SPHKAP: variants seen among roughly 807,000 people sequenced by gnomAD.
SPHKAP encodes SPHK1 interactor, AKAP domain containing.
Under a neutral mutation model 137.5 loss-of-function variants are expected in SPHKAP, and 67 were observed. The observed-to-expected ratio is 0.49, with a 90% CI of 0.40 to 0.60. The LOEUF is 0.60. Among genes scored for constraint, SPHKAP ranks in the 20% least tolerant of loss-of-function variants. SPHKAP has a pLI of 0.00. For synonymous variants in SPHKAP, 813 were observed against 785.3 expected (o/e 1.04, Z -0.59); for missense variants, 2,097 against 2,069.3 (o/e 1.01, Z -0.26).
At chr2:228,118,498 C>T (rs536844029) in intron 2 of SPHKAP, among the ~76,000 whole-genome samples, 1 of 151,850 alleles carries the variant, frequency 6.6e-6, no homozygotes, top group African/African-American at 2.4e-5. Flanking sequence ...TATGAGAGTC[C>T]AACTTGTCCC....
intron 3 of SPHKAP, among the ~76,000 whole-genome samples, chr2:228,032,900 C>T (rs923492786): frequency 5.3e-5 from 8 of 152,114 alleles, no homozygotes; most frequent in Admixed American, 3.9e-4. Context: ...AAAGGAACAA[C>T]CGGTACCTGC....
intron 2 of SPHKAP, among the ~76,000 whole-genome samples, chr2:228,127,761 C>T (rs977408285): frequency 1.3e-5 from 2 of 152,122 alleles, no homozygotes; most frequent in Non-Finnish European, 2.9e-5. Flanking sequence ...TATATAGGCA[C>T]ATCTCAGAGA....
At chr2:228,034,484 T>G (rs1695495545) in intron 3 of SPHKAP, among the ~76,000 whole-genome samples, 1 of 152,080 alleles carries the variant, frequency 6.6e-6, no homozygotes, top group South Asian at 2.1e-4. Flanking sequence ...CTTCTGAAAC[T>G]ATTCCAATCA....
At chr2:228,103,331 G>A (rs1399985210) in intron 3 of SPHKAP, among the ~76,000 whole-genome samples, 1 of 152,182 alleles carries the variant, frequency 6.6e-6, no homozygotes, top group East Asian at 1.9e-4. Flanking sequence ...CCACACAGAT[G>A]GGCTTGGGGT....
At chr2:228,117,684 G>A (rs1400733364) in intron 2 of SPHKAP, among the ~76,000 whole-genome samples, 2 of 152,070 alleles carry the variant, frequency 1.3e-5, no homozygotes, top group Admixed American at 1.3e-4. Context: ...TATGAGTTTT[G>A]AAAAATGCAC....
chr2:228,028,906 A>C (rs1346553471), intron 3 of SPHKAP, among the ~76,000 whole-genome samples: 1 of 152,054 alleles, frequency 6.6e-6, no homozygotes, highest in East Asian at 1.9e-4. Flanking sequence ...TGGAGAAAAG[A>C]AAGTTAAAGT....
intron 1 of SPHKAP, among the ~76,000 whole-genome samples, chr2:228,174,303 CT>C (rs76289406): frequency 0.073 from 10,620 of 145,976 alleles, 1,158 homozygotes; most frequent in African/African-American, 0.24. Flanking sequence ...AGGCAGGAAC[CT>C]TTTTTTTTTT....
intron 1 of SPHKAP, among the ~76,000 whole-genome samples, chr2:228,147,000 G>C (rs1699796367): frequency 6.6e-6 from 1 of 152,166 alleles, no homozygotes; most frequent in African/African-American, 2.4e-5. Flanking sequence ...TTGCATTTTA[G>C]ATTGAAGGAA....
chr2:227,985,533 G>A (rs543494361), intron 11 of SPHKAP, among the ~76,000 whole-genome samples: 23 of 152,204 alleles, frequency 1.5e-4, no homozygotes, highest in East Asian at 1.2e-3. Flanking sequence ...AGCAAGTCAC[G>A]ATCTGAGTTT....
At chr2:228,039,246 G>A (rs1022577383) in intron 3 of SPHKAP, among the ~76,000 whole-genome samples, 1 of 152,318 alleles carries the variant, frequency 6.6e-6, no homozygotes, top group Non-Finnish European at 1.5e-5. Flanking sequence ...CCTGAACAGA[G>A]CTAATCTTGT....
intron 4 of SPHKAP, chr2:228,025,736 G>T: frequency 2.9e-6 from 2 of 680,236 alleles, no homozygotes; most frequent in Non-Finnish European, 3.6e-6. Context: ...AAACTCTTTA[G>T]TTCTACATTT....
intron 2 of SPHKAP, among the ~76,000 whole-genome samples, chr2:228,127,790 A>C (rs1699122266): frequency 6.6e-6 from 1 of 152,206 alleles, no homozygotes; most frequent in African/African-American, 2.4e-5. Context: ...ATTCAGTCGC[A>C]GACCCCCACA....
At chr2:228,089,104 T>C (rs553281188) in intron 3 of SPHKAP, among the ~76,000 whole-genome samples, 3 of 152,268 alleles carry the variant, frequency 2.0e-5, no homozygotes, top group Admixed American at 1.3e-4. Flanking sequence ...AGTTTGCAAG[T>C]TCTTAGACAA....
At chr2:228,105,219 C>T (rs1481260977) in intron 3 of SPHKAP, among the ~76,000 whole-genome samples, 3 of 152,186 alleles carry the variant, frequency 2.0e-5, no homozygotes, top group Non-Finnish European at 4.4e-5. Flanking sequence ...TCTCCTGCCT[C>T]AGCCTCCCAA....
Position 228,027,465 on chromosome 2 carries a change from C to T in SPHKAP, c.306+19G>A. Reference sequence around the variant, plus strand: ...GTCCTTGTAATGACCTCCCGGTCAGCTTGAGTTTCAAATGTTACCTGTTGC... The same window carrying T: ...GTCCTTGTAATGACCTCCCGGTCAGTTTGAGTTTCAAATGTTACCTGTTGC... On this transcript the variant is annotated intron_variant, in intron 4 of 11. Coordinates refer to ENST00000392056, the MANE Select transcript of SPHKAP (RefSeq NM_001142644.2). The T allele has an allele frequency of 6.2e-7, 1 of 1,613,386 alleles. No homozygotes were observed. The highest frequency in any genetic ancestry group is 2.2e-5 in the East Asian group (1 of 44,866).
chr2:228,097,829 C>T (rs979055934), intron 3 of SPHKAP, among the ~76,000 whole-genome samples: 56 of 152,136 alleles, frequency 3.7e-4, no homozygotes, highest in African/African-American at 1.4e-3. Context: ...CCTTTTATAG[C>T]TGTGTAGTAT....
intron 3 of SPHKAP, among the ~76,000 whole-genome samples, chr2:228,058,844 A>C (rs1696539404): frequency 6.6e-6 from 1 of 152,200 alleles, no homozygotes; most frequent in African/African-American, 2.4e-5. Flanking sequence ...TTGGGCAAAC[A>C]GTTCTATGAG....
rs139581202 is a variant in SPHKAP at position 228,100,146 on chromosome 2, G to A, written c.246+8686C>T. Among the ~76,000 whole-genome samples, 930 of 152,224 alleles carry A rather than the reference G, an allele frequency of 6.1e-3. 14 individuals carry two copies. Among genetic ancestry groups the A allele is most frequent in the African/African-American group, 0.021 (861 of 41,520 alleles). On this transcript the variant is annotated intron_variant, in intron 3 of 11. Coordinates refer to ENST00000392056, the MANE Select transcript of SPHKAP (RefSeq NM_001142644.2). ...ATTACAAGCGTGAGCCACTGCGCCCGGCCCTGGAAATGCTACTGATTTTTA... is the reference window on the plus strand; with the variant it reads ...ATTACAAGCGTGAGCCACTGCGCCCAGCCCTGGAAATGCTACTGATTTTTA...
At position 228,127,801 on chromosome 2, in the gene SPHKAP, A is replaced by G. The variant is rs1387224747; in HGVS notation, c.138+4179T>C. Among the ~76,000 whole-genome samples, 5 of 152,208 alleles carry G rather than the reference A, an allele frequency of 3.3e-5. No individual in the cohort carries two copies. The East Asian group carries it at 9.6e-4, about 29-fold the overall frequency. On this transcript the variant is annotated intron_variant, in intron 2 of 11. Coordinates refer to ENST00000392056, the MANE Select transcript of SPHKAP (RefSeq NM_001142644.2). ...GTGGATTCAGTCGCAGACCCCCACA[A>G]CAGAGCAAATATCACAATAAAGGGA...
Sources: gnomAD v4.1 joint callset for allele counts (sites outside exome capture counted in the v4.1 genomes callset) on GRCh38, gnomAD v4.1.1 for gene constraint, MANE v1.5 for transcripts, NCBI Gene and HGNC (gene_info 2026-07-23, HGNC 2026-07-21) for gene names.